RSU1: variants seen among roughly 807,000 people sequenced by gnomAD.
The protein encoded by RSU1 is rsu-1.
Under a neutral mutation model 31.1 loss-of-function variants are expected in RSU1, and 26 were observed. The ratio of observed to expected loss-of-function variants is 0.84; its 90% CI spans 0.61 to 1.16. The LOEUF (loss-of-function observed/expected upper bound fraction) is 1.16. RSU1 is among the 50% of genes most tolerant of loss of function. The pLI, the probability that RSU1 is intolerant of heterozygous loss-of-function variation, is 0.00. For missense variants in RSU1, 320 were observed against 339.1 expected, an observed-to-expected ratio of 0.94 and a Z score of 0.44; for synonymous variants, 164 against 136.3, an observed-to-expected ratio of 1.20 and a Z score of -1.41.
chr10:16,779,708 G>A (rs1212434472), intron 3 of RSU1, among the ~76,000 whole-genome samples: 1 of 152,144 alleles, frequency 6.6e-6, no homozygotes, highest in African/African-American at 2.4e-5. Flanking sequence ...AACAGAAAGT[G>A]AAAGACACTG....
intron 2 of RSU1, among the ~76,000 whole-genome samples, chr10:16,808,912 A>G (rs1838339654): frequency 1.3e-5 from 2 of 152,198 alleles, no homozygotes; most frequent in Admixed American, 1.3e-4. Flanking sequence ...AGGGAAGATC[A>G]TGTGAGCACA....
At chr10:16,602,647 G>A (rs755763284) in intron 8 of RSU1, among the ~76,000 whole-genome samples, 3 of 152,198 alleles carry the variant, frequency 2.0e-5, no homozygotes, top group Admixed American at 6.5e-5. Context: ...TATGAGAGGT[G>A]CAATATGCTG....
At chr10:16,626,248 C>T (rs1363499548) in intron 8 of RSU1, among the ~76,000 whole-genome samples, 2 of 151,764 alleles carry the variant, frequency 1.3e-5, no homozygotes, top group South Asian at 2.1e-4. Context: ...ACAGGGTCTC[C>T]CTATGTTGTC....
At chr10:16,678,777 T>C (rs1222004068) in intron 8 of RSU1, among the ~76,000 whole-genome samples, 1 of 152,170 alleles carries the variant, frequency 6.6e-6, no homozygotes, top group Admixed American at 6.5e-5. Context: ...ATCCAGTTTC[T>C]TTCCCTAGAG....
At chr10:16,709,250 G>GT (rs1468582110) in intron 7 of RSU1, among the ~76,000 whole-genome samples, 3 of 151,710 alleles carry the variant, frequency 2.0e-5, no homozygotes, top group Non-Finnish European at 4.4e-5. Context: ...GAGGTGTTTG[G>GT]TTTTTTGTCC....
At chr10:16,769,630 CCAA>C (rs1837382873) in intron 3 of RSU1, among the ~76,000 whole-genome samples, 1 of 152,228 alleles carries the variant, frequency 6.6e-6, no homozygotes, top group South Asian at 2.1e-4. Context: ...CTCTGAATTT[CCAA>C]CAACTTCCCA....
intron 7 of RSU1, among the ~76,000 whole-genome samples, chr10:16,750,736 T>C (rs1333582111): frequency 6.6e-6 from 1 of 152,154 alleles, no homozygotes; most frequent in Non-Finnish European, 1.5e-5. Flanking sequence ...TATAGAAGAA[T>C]TCACCTCACA....
At chr10:16,611,348 T>C (rs751104970) in intron 8 of RSU1, among the ~76,000 whole-genome samples, 1 of 152,172 alleles carries the variant, frequency 6.6e-6, no homozygotes, top group Non-Finnish European at 1.5e-5. Context: ...AACAAGGCAA[T>C]AAACTGCTTA....
rs1475264895 is a variant in RSU1 at position 16,592,036 on chromosome 10, A to C, written c.*1358T>G. The C allele has an allele frequency of 2.0e-5, 3 of 152,120 alleles. No individual in the cohort carries two copies. The highest frequency in any genetic ancestry group is 7.2e-5 in the African/African-American group (3 of 41,400). The allele number at this position is 152,120 out of a possible 1,614,324, so 9.4% of individuals were successfully genotyped here. A position where few individuals can be genotyped will look rare whatever the true frequency, so the allele number is the denominator to read the frequency against. On this transcript the variant is annotated 3_prime_UTR_variant, in exon 9 of 9. Coordinates refer to ENST00000345264, the MANE Select transcript of RSU1 (RefSeq NM_012425.4). ...GATTGAAATGCGAAGTCTGTTTCCT[A>C]AGTAACTCAGAACTTGTTGTTTGAT...
intron 7 of RSU1, among the ~76,000 whole-genome samples, chr10:16,696,145 T>A (rs1333679404): frequency 6.6e-6 from 1 of 152,234 alleles, no homozygotes; most frequent in Non-Finnish European, 1.5e-5. Context: ...AAAGTCCTAC[T>A]GAGGAAATCA....
At chr10:16,749,892 T>A (rs17156952) in intron 7 of RSU1, among the ~76,000 whole-genome samples, 15,643 of 152,112 alleles carry the variant, frequency 0.1, 1,107 homozygotes, top group African/African-American at 0.2. Context: ...AGGAATCCTC[T>A]TACCAGCATA....
intron 6 of RSU1, 44 bp downstream of exon 6, chr10:16,752,874 G>A: frequency 6.5e-7 from 1 of 1,527,018 alleles, no homozygotes; most frequent in Non-Finnish European, 9.1e-7. Context: ...CTACAAGGCT[G>A]CAGCAGTGAA....
At chr10:16,731,596 C>T (rs541855802) in intron 7 of RSU1, among the ~76,000 whole-genome samples, 5 of 152,152 alleles carry the variant, frequency 3.3e-5, no homozygotes, top group African/African-American at 7.2e-5. Flanking sequence ...AGAATTAACA[C>T]GCTAATTTAC....
intron 2 of RSU1, among the ~76,000 whole-genome samples, chr10:16,782,712 G>A (rs141153738): frequency 6.6e-6 from 1 of 152,088 alleles, no homozygotes; most frequent in Admixed American, 6.5e-5. Flanking sequence ...TTATCATGGT[G>A]GTTTAATCTG....
rs541755122 is a variant in RSU1, at chr10:16,608,286, T to C, written c.732-14790A>G. ...ACTTTCGGAGCCTGAGGCAGGAGGA[T>C]CCTTTGAGCCTAGGAGTTCAAGATT... On this transcript the variant is annotated intron_variant, in intron 8 of 8. Coordinates refer to ENST00000345264, the MANE Select transcript of RSU1 (RefSeq NM_012425.4). Among the ~76,000 whole-genome samples, 292 of 152,284 alleles carry C rather than the reference T, an allele frequency of 1.9e-3. No homozygotes were observed. The Middle Eastern group carries it at 0.024, about 12-fold the overall frequency.
chr10:16,802,469 G>C (rs1838178254), intron 2 of RSU1, among the ~76,000 whole-genome samples: 1 of 151,982 alleles, frequency 6.6e-6, no homozygotes, highest in Non-Finnish European at 1.5e-5. Context: ...TGCCCAGATA[G>C]GTTTACTCAT....
chr10:16,672,832 A>G (rs1037729938), intron 8 of RSU1, among the ~76,000 whole-genome samples: 4 of 152,226 alleles, frequency 2.6e-5, no homozygotes, highest in Non-Finnish European at 2.9e-5. Flanking sequence ...ACAGATGTAT[A>G]TATTTATCAA....
intron 7 of RSU1, among the ~76,000 whole-genome samples, chr10:16,701,019 A>C (rs1284272384): frequency 6.6e-6 from 1 of 152,216 alleles, no homozygotes; most frequent in African/African-American, 2.4e-5. Context: ...TTAAGTTTTT[A>C]AGGTTGATTT....
intron 8 of RSU1, among the ~76,000 whole-genome samples, chr10:16,624,682 C>G (rs1345358195): frequency 6.6e-6 from 1 of 152,206 alleles, no homozygotes; most frequent in African/African-American, 2.4e-5. Context: ...TTTGACCTCT[C>G]TCTCTGAAAT....
Sources: gnomAD v4.1 joint callset for allele counts (sites outside exome capture counted in the v4.1 genomes callset) on GRCh38, gnomAD v4.1.1 for gene constraint, MANE v1.5 for transcripts, NCBI Gene and HGNC (gene_info 2026-07-23, HGNC 2026-07-21) for gene names.